Variants in VCX2 observed in about 807,000 individuals in gnomAD.
VCX2 encodes the protein variable charge X-linked 2, also known as variable charge X-linked protein 2.
For synonymous variants in VCX2, 37 were observed against 53.9 expected (o/e 0.69, Z 1.38); for missense variants, 83 against 116.6 (o/e 0.71, Z 1.33).
chrX:8,171,051 T>G (rs1931602475), intron 1 of VCX2, 56 bp downstream of exon 1: 2 of 291,941 alleles, frequency 6.9e-6, no homozygotes, highest in Non-Finnish European at 1.2e-5. Flanking sequence ...TCCCATTCAG[T>G]GGTACATTCT....
Position 8,170,770 on chromosome X carries a change from C to G in VCX2, c.-127G>C. ...TGAGCTGTGATTGGTCAACACTCCACTACCCAGCCAATGGTAGCCCTGGGC... is the reference window on the plus strand; with the variant it reads ...TGAGCTGTGATTGGTCAACACTCCAGTACCCAGCCAATGGTAGCCCTGGGC... On this transcript the variant is annotated 5_prime_UTR_variant, in exon 2 of 3. Transcript: ENST00000317103. The G allele has an allele frequency of 1.8e-6, 1 of 547,644 alleles. No homozygotes were observed. Among genetic ancestry groups the G allele is most frequent in the East Asian group, 4.5e-5 (1 of 22,047 alleles). 45.1% of individuals were successfully genotyped at this position (547,644 alleles called of 1,213,427 possible).
intron 1 of VCX2, 67 bp from the exon 2 acceptor site, chrX:8,170,856 CGGG>C (rs201682658): frequency 4.3e-4 from 15 of 34,753 alleles, no homozygotes; most frequent in South Asian, 1.1e-3. Flanking sequence ...AAGTCGGGGG[CGGG>C]GGGGGGGGGT....
Position 8,170,063 on chromosome X carries a change from C to G in VCX2, c.389G>C (p.Ser130Thr), listed in dbSNP as rs370309317. ...VEEPLTVWMA[S>T]FSPVSESTD ...GGTGCTCTCGGAGACAGGGGAAAAG[C>G]TGGCCATCCACACAGTCAGTGGTTC... Residue 130 changes from serine to threonine, a missense_variant, in exon 3 of 3, where the codon AGC becomes ACC. Ser to Thr is a moderately conservative substitution (Grantham distance 58, BLOSUM62 1). Transcript: ENST00000317103. 4 of 1,203,880 alleles carry G rather than the reference C, an allele frequency of 3.3e-6. No individual in the cohort carries two copies. Among genetic ancestry groups the G allele is most frequent in the South Asian group, 1.8e-5 (1 of 56,498 alleles).
Position 8,170,017 on chromosome X carries a change from C to T in VCX2, c.*15G>A, listed in dbSNP as rs200935795. ...CGCTGGTGAGATCTCTGAGGTCTGG[C>T]GGCTGGGCCTGAACTTAGTCGGTGC... On this transcript the variant is annotated 3_prime_UTR_variant, in exon 3 of 3. Transcript: ENST00000317103. 19 of 1,184,528 alleles carry T rather than the reference C, an allele frequency of 1.6e-5. No individual in the cohort carries two copies. In the East Asian group the frequency reaches 2.1e-4, roughly 13 times the overall value.
rs779672214 is a variant in VCX2, at chrX:8,170,042, C to G, written c.410G>C (p.Ser137Thr). ...WMASFSPVSE[S>T]TD ...CGGCTGGGCCTGAACTTAGTCGGTGCTCTCGGAGACAGGGGAAAAGCTGGC... is the reference window on the plus strand; with the variant it reads ...CGGCTGGGCCTGAACTTAGTCGGTGGTCTCGGAGACAGGGGAAAAGCTGGC... The change falls in exon 3 of 3, where the codon AGC becomes ACC. Residue 137 changes from serine (S) to threonine (T), a missense_variant. Ser to Thr is a moderately conservative substitution (Grantham distance 58, BLOSUM62 1). Transcript: ENST00000317103. 3 of 1,195,162 alleles carry G rather than the reference C, an allele frequency of 2.5e-6. No homozygotes were observed. The highest frequency in any genetic ancestry group is 3.6e-5 in the South Asian group (2 of 56,022).
chrX:8,170,321 G>A lies in VCX2; in HGVS notation c.131C>T (p.Ala44Val), dbSNP rs768371762. The A allele has an allele frequency of 1.0e-6, 1 of 981,927 alleles. No homozygotes were observed. Among genetic ancestry groups the A allele is most frequent in the South Asian group, 2.1e-5 (1 of 47,046 alleles). The allele number at this position is 981,927 out of a possible 1,213,427, so 80.9% of individuals were successfully genotyped here. Residue 44 changes from alanine (A) to valine (V), a missense_variant, in exon 3 of 3, where the codon GCA (alanine) becomes GTA (valine). Physicochemically the swap from Ala to Val is moderately conservative, Grantham distance 64. Coordinates refer to ENST00000317103, the MANE Select transcript of VCX2 (RefSeq NM_016378.3). Reference sequence around the variant, plus strand: ...CTTCCCGCGTCTCCCTCTACGAACTGCTTTTCCCTTCTTGGCCACCTTGGT... The same window carrying A: ...CTTCCCGCGTCTCCCTCTACGAACTACTTTTCCCTTCTTGGCCACCTTGGT... ...KTTKVAKKGK[A>V]VRRGRRGKKG... is the part of the protein sequence containing the mutation.
chrX:8,170,988 T>C (rs1931596269), intron 1 of VCX2, 119 bp downstream of exon 1: 1 of 310,648 alleles, frequency 3.2e-6, no homozygotes, highest in East Asian at 5.7e-5. Flanking sequence ...TGTTCAATTT[T>C]GGCAGATCAC....
Position 8,170,310 on chromosome X carries a change from C to A in VCX2, c.142G>T (p.Gly48Trp). ...VAKKGKAVRR[G>W]RRGKKGAATK... ...GCAGCCCCTTTCTTCCCGCGTCTCCCTCTACGAACTGCTTTTCCCTTCTTG... is the reference window on the plus strand; with the variant it reads ...GCAGCCCCTTTCTTCCCGCGTCTCCATCTACGAACTGCTTTTCCCTTCTTG... The change falls in exon 3 of 3, where the codon GGG becomes TGG. Residue 48 changes from glycine (G) to tryptophan (W), a missense_variant. Transcript: ENST00000317103. 1 of 981,420 alleles carries A rather than the reference C, an allele frequency of 1.0e-6. No homozygotes were observed. The highest frequency in any genetic ancestry group is 1.4e-6 in the Non-Finnish European group (1 of 737,409). The allele number at this position is 981,420 out of a possible 1,213,427, so 80.9% of individuals were successfully genotyped here. A position where few individuals can be genotyped will look rare whatever the true frequency, so the allele number is the denominator to read the frequency against.
chrX:8,171,003 C>T (rs1158847439), intron 1 of VCX2, 104 bp downstream of exon 1: 2 of 316,024 alleles, frequency 6.3e-6, no homozygotes, highest in Non-Finnish European at 1.1e-5. Context: ...GATCACGTGG[C>T]ACGGGAGGAT....
chrX:8,169,997 G>C lies in VCX2; in HGVS notation c.*35C>G, dbSNP rs765139620. ...CTTCAGAATGGCAAGCACCCCGCTG[G>C]TGAGATCTCTGAGGTCTGGCGGCTG... On this transcript the variant is annotated 3_prime_UTR_variant, in exon 3 of 3. Coordinates refer to ENST00000317103, the MANE Select transcript of VCX2 (RefSeq NM_016378.3). 7.6e-6 allele frequency: 9 copies of C among 1,187,632 alleles called. No homozygotes were observed. Among genetic ancestry groups the C allele is most frequent in the African/African-American group, 2.0e-5 (1 of 50,768 alleles).
chrX:8,170,364 G>A lies in VCX2; in HGVS notation c.103-15C>T. The A allele has an allele frequency of 1.1e-6, 1 of 886,896 alleles. No individual in the cohort carries two copies. Among genetic ancestry groups the A allele is most frequent in the Non-Finnish European group, 1.5e-6 (1 of 658,443 alleles). The allele number at this position is 886,896 out of a possible 1,213,427, so 73.1% of individuals were successfully genotyped here. On this transcript the variant is annotated splice_polypyrimidine_tract_variant and intron_variant, in intron 2 of 2. Coordinates refer to ENST00000317103, the MANE Select transcript of VCX2 (RefSeq NM_016378.3). ...ACCTTGGTAGTCTGGAAGGACAACA[G>A]GGAGATCACAGAAGGGCTCTGGTTT...
chrX:8,170,116 T>A lies in VCX2; in HGVS notation c.336A>T (p.Glu112Asp), dbSNP rs1931509136. ...CCACCTCGCTCTCCTGACTCAGTGG[T>A]TCTTCCACCTCGCTCTCCTGACTCA... ...DPLSQESEVEEPLSQESEVEE... is the reference protein window; with the variant it reads ...DPLSQESEVEDPLSQESEVEE... The change falls in exon 3 of 3, where the codon GAA (glutamate) becomes GAT (aspartate). Residue 112 changes from glutamate to aspartate, a missense_variant. Coordinates refer to ENST00000317103, the MANE Select transcript of VCX2 (RefSeq NM_016378.3). 1.0e-6 allele frequency: 1 copy of A among 964,734 alleles called. No homozygotes were observed. Among genetic ancestry groups the A allele is most frequent in the Non-Finnish European group, 1.4e-6 (1 of 716,754 alleles). The allele number at this position is 964,734 out of a possible 1,213,427, so 79.5% of individuals were successfully genotyped here.
rs754517170 is a variant in VCX2 at position 8,170,107 on chromosome X, A to T, written c.345T>A (p.Ser115Arg). Residue 115 changes from serine (S) to arginine (R), a missense_variant, in exon 3 of 3, where the codon AGT (serine) becomes AGA (arginine). Physicochemically the swap from Ser to Arg is moderately radical, Grantham distance 110 (BLOSUM62 -1). Coordinates refer to ENST00000317103, the MANE Select transcript of VCX2 (RefSeq NM_016378.3). The stretch of plus-strand genomic sequence containing the variant: ...GTGGTTCTTCCACCTCGCTCTCCTG[A>T]CTCAGTGGTTCTTCCACCTCGCTCT... The part of the protein sequence containing the change: ...SQESEVEEPL[S>R]QESEVEEPLT... 1.8e-4 allele frequency: 211 copies of T among 1,182,657 alleles called. No homozygotes were observed. Among genetic ancestry groups the T allele is most frequent in the Non-Finnish European group, 2.3e-4 (204 of 885,557 alleles).
rs773135130 is a variant in VCX2, at chrX:8,170,050, G to A, written c.402C>T (p.Val134=). 8 of 1,195,415 alleles carry A rather than the reference G, an allele frequency of 6.7e-6. No individual in the cohort carries two copies. The African/African-American group carries it at 1.1e-4, about 17-fold the overall frequency. Residue 134 remains valine (V), a synonymous_variant, in exon 3 of 3, where the codon GTC becomes GTT. Coordinates refer to ENST00000317103, the MANE Select transcript of VCX2 (RefSeq NM_016378.3). ...LTVWMASFSP[V]SESTD is the part of the protein sequence containing the mutation. ...CCTGAACTTAGTCGGTGCTCTCGGA[G>A]ACAGGGGAAAAGCTGGCCATCCACA...
At position 8,170,238 on chromosome X, in the gene VCX2, C is replaced by G; in HGVS notation, c.214G>C (p.Ala72Pro). ...GGCTGGTCGCTGGGGCCGGGTGCCG[C>G]TGGCGCGCTCTCCGCCTCAGGTGCC... The part of the protein sequence containing the change: ...VTAPEAESAP[A>P]APGPSDQPSQ... Residue 72 changes from alanine (A) to proline (P), a missense_variant, in exon 3 of 3, where the codon GCG becomes CCG. Physicochemically the swap from Ala to Pro is conservative, Grantham distance 27 (BLOSUM62 -1). Coordinates refer to ENST00000317103, the MANE Select transcript of VCX2 (RefSeq NM_016378.3). 1 of 1,117,007 alleles carries G rather than the reference C, an allele frequency of 9.0e-7. No homozygotes were observed. The highest frequency in any genetic ancestry group is 1.2e-6 in the Non-Finnish European group (1 of 845,317). 92.1% of individuals were successfully genotyped at this position (1,117,007 alleles called of 1,213,427 possible).
chrX:8,169,980 T>A lies in VCX2; in HGVS notation c.*52A>T. 8.8e-7 allele frequency: 1 copy of A among 1,140,239 alleles called. No homozygotes were observed. Among genetic ancestry groups the A allele is most frequent in the Non-Finnish European group, 1.2e-6 (1 of 857,940 alleles). 94.0% of individuals were successfully genotyped at this position (1,140,239 alleles called of 1,213,427 possible). A position where few individuals can be genotyped will look rare whatever the true frequency, so the allele number is the denominator to read the frequency against. ...CACATTCATTTTATTATCTTCAGAA[T>A]GGCAAGCACCCCGCTGGTGAGATCT... is the stretch of plus-strand genomic sequence containing the variant. On this transcript the variant is annotated 3_prime_UTR_variant, in exon 3 of 3. Transcript: ENST00000317103.
rs4066726 is a variant in VCX2, at chrX:8,171,160, A to G, written c.-200T>C. The G allele has an allele frequency of 2.1e-4, 29 of 135,492 alleles. No homozygotes were observed. The East Asian group carries it at 2.7e-3, about 13-fold the overall frequency. 11.2% of individuals were successfully genotyped at this position (135,492 alleles called of 1,213,427 possible). A position where few individuals can be genotyped will look rare whatever the true frequency, so the allele number is the denominator to read the frequency against. On this transcript the variant is annotated 5_prime_UTR_variant, in exon 1 of 3. Transcript: ENST00000317103. The stretch of plus-strand genomic sequence containing the variant: ...GATGGAGGGCTATACGAAGACGTCA[A>G]TCATCCCTCTCTCCTACAAATTCCT...
At position 8,170,064 on chromosome X, in the gene VCX2, T is replaced by C; in HGVS notation, c.388A>G (p.Ser130Gly). The change falls in exon 3 of 3, where the codon AGC becomes GGC. Residue 130 changes from serine to glycine, a missense_variant. By Grantham distance (56) the Ser-to-Gly change is moderately conservative. Coordinates refer to ENST00000317103, the MANE Select transcript of VCX2 (RefSeq NM_016378.3). ...VEEPLTVWMASFSPVSESTD is the reference protein window; with the variant it reads ...VEEPLTVWMAGFSPVSESTD ...GTGCTCTCGGAGACAGGGGAAAAGC[T>C]GGCCATCCACACAGTCAGTGGTTCT... 2 of 1,204,012 alleles carry C rather than the reference T, an allele frequency of 1.7e-6. No homozygotes were observed. The highest frequency in any genetic ancestry group is 2.2e-6 in the Non-Finnish European group (2 of 893,666).
chrX:8,171,001 G>C (rs1381376002), intron 1 of VCX2, 106 bp downstream of exon 1: 1 of 313,401 alleles, frequency 3.2e-6, no homozygotes, highest in East Asian at 5.6e-5. Flanking sequence ...CAGATCACGT[G>C]GCACGGGAGG....
Sources: allele counts gnomAD v4.1 joint callset, GRCh38; gene constraint gnomAD v4.1.1; transcripts MANE v1.5; gene names NCBI Gene and HGNC (gene_info 2026-07-23, HGNC 2026-07-21).